Variants in RFC1 observed in about 807,000 individuals in gnomAD.
The protein encoded by RFC1 is replication factor C subunit 1, also known as A1 140 kDa subunit.
A neutral mutation model predicts 137.4 loss-of-function variants in RFC1; 37 were observed. The ratio of observed to expected loss-of-function variants is 0.27; its 90% confidence interval spans 0.21 to 0.35. RFC1 has a LOEUF of 0.35. RFC1 is among the 10% of genes least tolerant of loss of function. RFC1 has a pLI of 1.00. For synonymous variants in RFC1, 429 were observed against 455.7 expected, an observed-to-expected ratio of 0.94 and a Z score of 0.75; for missense variants, 1,205 against 1,358.5, an observed-to-expected ratio of 0.89 and a Z score of 1.78.
intron 1 of RFC1, 82 bp downstream of exon 1, chr4:39,366,157 G>T (rs989868561): frequency 6.9e-7 from 1 of 1,454,274 alleles, no homozygotes; most frequent in Non-Finnish European, 9.3e-7. Context: ...CCCCCACCCT[G>T]CATACCAGGA....
At chr4:39,365,388 T>C in intron 1 of RFC1, 2 of 834,326 alleles carry the variant, frequency 2.4e-6, no homozygotes, top group Non-Finnish European at 2.9e-6. Flanking sequence ...TTGTTAAGTA[T>C]CTTCTAGCTT....
At chr4:39,327,492 T>G (rs762099674) in intron 5 of RFC1, 32 bp downstream of exon 5, 1 of 1,418,670 alleles carries the variant, frequency 7.0e-7, no homozygotes, top group Non-Finnish European at 9.8e-7. Flanking sequence ...GTATAAATCC[T>G]GAGCATACTT....
intron 3 of RFC1, among the ~76,000 whole-genome samples, chr4:39,342,817 C>T (rs55708248): frequency 1.1e-3 from 164 of 152,262 alleles, no homozygotes; most frequent in African/African-American, 3.7e-3. Flanking sequence ...TTTTATTTGC[C>T]TTTTCCAGTC....
chr4:39,339,100 A>G (rs1170346473), intron 4 of RFC1, among the ~76,000 whole-genome samples: 1 of 152,062 alleles, frequency 6.6e-6, no homozygotes, highest in Non-Finnish European at 1.5e-5. Flanking sequence ...TTTAAAGCCA[A>G]ATAATATTCC....
At chr4:39,322,571 G>C (rs182679537) in intron 7 of RFC1, among the ~76,000 whole-genome samples, 1 of 152,230 alleles carries the variant, frequency 6.6e-6, no homozygotes, top group Admixed American at 6.5e-5. Flanking sequence ...GAATTTTTAT[G>C]AGCATTATTT....
intron 1 of RFC1, among the ~76,000 whole-genome samples, chr4:39,354,346 G>C (rs114061886): frequency 3.9e-5 from 6 of 152,138 alleles, no homozygotes; most frequent in Admixed American, 1.3e-4. Flanking sequence ...TCACCTGACT[G>C]TTCCAATTAA....
chr4:39,351,700 G>A (rs1054021532), intron 1 of RFC1, among the ~76,000 whole-genome samples: 2 of 152,112 alleles, frequency 1.3e-5, no homozygotes, highest in East Asian at 1.9e-4. Flanking sequence ...GGTGGCTCAC[G>A]CCTGTAATCC....
rs1343396358 is a variant in RFC1, at chr4:39,295,813, C to G, written c.2809-54G>C. 2.0e-6 allele frequency: 3 copies of G among 1,529,208 alleles called. No individual in the cohort carries two copies. The African/African-American group carries it at 4.1e-5, about 21-fold the overall frequency. The allele number at this position is 1,529,208 out of a possible 1,614,324, so 94.7% of individuals were successfully genotyped here. A position where few individuals can be genotyped will look rare whatever the true frequency, so the allele number is the denominator to read the frequency against. On this transcript the variant is annotated intron_variant, in intron 21 of 24. Transcript: ENST00000349703. ...TTTATGTTCCGTACAAAGTTACTTC[C>G]TTAATAGTCATTGGCTTCCAAACAG...
intron 1 of RFC1, chr4:39,365,329 T>A (rs1741973044): frequency 1.9e-5 from 5 of 265,378 alleles, no homozygotes; most frequent in Admixed American, 7.2e-5. Flanking sequence ...CCCCCCAGAA[T>A]GTTGTCACTG....
intron 1 of RFC1, among the ~76,000 whole-genome samples, chr4:39,357,531 G>C (rs556544075): frequency 6.6e-6 from 1 of 152,092 alleles, no homozygotes; most frequent in South Asian, 2.1e-4. Context: ...GTTTATGCCT[G>C]ATCTAATGGT....
At chr4:39,310,850 G>A (rs183396287) in intron 12 of RFC1, among the ~76,000 whole-genome samples, 17 of 152,220 alleles carry the variant, frequency 1.1e-4, no homozygotes, top group East Asian at 1.9e-4. Flanking sequence ...TAAAGTCAAC[G>A]TGAGAATATG....
chr4:39,288,775 T>TTTTTCC lies in RFC1; in HGVS notation c.3424_3429dup (p.Gly1142_Lys1143dup), dbSNP rs762581020. 3.7e-5 allele frequency: 59 copies of TTTTTCC among 1,609,438 alleles called. No individual in the cohort carries two copies. The highest frequency in any genetic ancestry group is 3.3e-4 in the Middle Eastern group (2 of 6,074). ...GAAAAATGGTTTCATTTCTTCGAACTTTTTCCTTTTCCTTTTCTGGGCTCC... is the reference window on the plus strand; with the variant it reads ...GAAAAATGGTTTCATTTCTTCGAACTTTTTCCTTTTCCTTTTCCTTTTCTGGGCTCC... On this transcript the variant is annotated inframe_insertion, in exon 25 of 25. Coordinates refer to ENST00000349703, the MANE Select transcript of RFC1 (RefSeq NM_002913.5).
Position 39,304,824 on chromosome 4 carries a change from G to T in RFC1, c.2100C>A (p.Gly700=). The change falls in exon 15 of 25, where the codon GGC becomes GGA. Residue 700 remains glycine, a synonymous_variant. Coordinates refer to ENST00000349703, the MANE Select transcript of RFC1 (RefSeq NM_002913.5). The part of the protein sequence containing the change: ...AESLNNTSIK[G]FYSNGAASSV... ...CAAAAAGCCACATACTTGAATAAAA[G>T]CCTTTGATGCTGGTATTGTTCAGTG... 6.3e-7 allele frequency: 1 copy of T among 1,598,318 alleles called. No homozygotes were observed. Among genetic ancestry groups the T allele is most frequent in the Non-Finnish European group, 8.6e-7 (1 of 1,165,728 alleles).
At chr4:39,296,238 CTT>C (rs1254857918) in intron 21 of RFC1, among the ~76,000 whole-genome samples, 1 of 116,528 alleles carries the variant, frequency 8.6e-6, no homozygotes. Flanking sequence ...TTTTCACTTT[CTT>C]TTTTTTTTTC....
At position 39,327,606 on chromosome 4, in the gene RFC1, G is replaced by A. The variant is rs1739841458; in HGVS notation, c.482C>T (p.Thr161Ile). The change falls in exon 5 of 25, where the codon ACA (threonine) becomes ATA (isoleucine). Residue 161 changes from threonine (T) to isoleucine (I), a missense_variant. By Grantham distance (89) the Thr-to-Ile change is moderately conservative. Transcript: ENST00000349703. ...AAAATAATCAAGTACTGATGTGGGTGTAAGTTTTATTGGTGATAAAGGCTT... is the reference window on the plus strand; with the variant it reads ...AAAATAATCAAGTACTGATGTGGGTATAAGTTTTATTGGTGATAAAGGCTT... ...KNKPLSPIKL[T>I]PTSVLDYFGT... 3 of 1,613,716 alleles carry A rather than the reference G, an allele frequency of 1.9e-6. No homozygotes were observed. The highest frequency in any genetic ancestry group is 2.5e-6 in the Non-Finnish European group (3 of 1,179,844).
Position 39,366,305 on chromosome 4 carries a change from A to G in RFC1, c.-64T>C, listed in dbSNP as rs2109794085. 1 of 1,488,696 alleles carries G rather than the reference A, an allele frequency of 6.7e-7. No homozygotes were observed. Among genetic ancestry groups the G allele is most frequent in the Non-Finnish European group, 9.0e-7 (1 of 1,116,578 alleles). 92.2% of individuals were successfully genotyped at this position (1,488,696 alleles called of 1,614,324 possible). A position where few individuals can be genotyped will look rare whatever the true frequency, so the allele number is the denominator to read the frequency against. ...GGGCCGGTTGAGGAATCTGTTATCG[A>G]GGCTCAGGATCCATTCGCGCCAACA... is the stretch of plus-strand genomic sequence containing the variant. On this transcript the variant is annotated 5_prime_UTR_variant, in exon 1 of 25. Coordinates refer to ENST00000349703, the MANE Select transcript of RFC1 (RefSeq NM_002913.5).
At chr4:39,319,717 T>C (rs1053419983) in intron 9 of RFC1, among the ~76,000 whole-genome samples, 3 of 152,158 alleles carry the variant, frequency 2.0e-5, no homozygotes, top group African/African-American at 7.2e-5. Context: ...ACCACCCCAG[T>C]AGGTGCCTGA....
chr4:39,303,107 C>T lies in RFC1; in HGVS notation c.2155G>A (p.Asp719Asn). 6.2e-7 allele frequency: 1 copy of T among 1,613,982 alleles called. No homozygotes were observed. The highest frequency in any genetic ancestry group is 8.5e-7 in the Non-Finnish European group (1 of 1,179,928). Reference sequence around the variant, plus strand: ...TTGCCTGCCATGCCATCTACTTCATCCATGATGAGAGCATGTTTCGTGCTT... The same window carrying T: ...TTGCCTGCCATGCCATCTACTTCATTCATGATGAGAGCATGTTTCGTGCTT... ...SVSTKHALIMDEVDGMAGNED... is the reference protein window; with the variant it reads ...SVSTKHALIMNEVDGMAGNED... Residue 719 changes from aspartate to asparagine, a missense_variant, in exon 16 of 25, where the codon GAT (aspartate) becomes AAT (asparagine). This residue lies in a region of RFC1 where 962 missense variants were observed against 1,035.3 expected (regional missense o/e 0.93). Transcript: ENST00000349703.
At chr4:39,360,606 G>A (rs553129482) in intron 1 of RFC1, among the ~76,000 whole-genome samples, 1 of 151,940 alleles carries the variant, frequency 6.6e-6, no homozygotes, top group East Asian at 1.9e-4. Context: ...ATGGTGGCGA[G>A]CACCTGCAGT....
Sources: allele counts gnomAD v4.1 joint callset (sites outside exome capture counted in the v4.1 genomes callset), GRCh38; gene constraint gnomAD v4.1.1; regional missense constraint gnomAD v4.1.1; transcripts MANE v1.5; gene names NCBI Gene and HGNC (gene_info 2026-07-23, HGNC 2026-07-21).